The following PPFIA2 variants were observed in gnomAD, a reference collection of about 807,000 sequenced individuals.
PPFIA2 encodes liprin-alpha-2.
PPFIA2 carries 46 observed loss-of-function variants against 175.5 expected under a neutral mutation model. The observed-to-expected ratio is 0.26, with a 90% confidence interval of 0.21 to 0.34. PPFIA2 has a LOEUF of 0.34. PPFIA2 is among the 10% of genes least tolerant of loss of function. PPFIA2 has a pLI of 1.00. For missense variants in PPFIA2, 1,179 were observed against 1,506.1 expected, an observed-to-expected ratio of 0.78 and a Z score of 3.60; for synonymous variants, 568 against 511.4, an observed-to-expected ratio of 1.11 and a Z score of -1.49.
At chr12:81,407,245 G>A (rs988800303) in intron 7 of PPFIA2, among the ~76,000 whole-genome samples, 3 of 152,114 alleles carry the variant, frequency 2.0e-5, no homozygotes, top group African/African-American at 7.2e-5. Context: ...GGCACTTTGG[G>A]AGGCCAAGGT....
intron 3 of PPFIA2, among the ~76,000 whole-genome samples, chr12:81,722,128 C>A (rs1035097432): frequency 1.3e-5 from 2 of 150,866 alleles, no homozygotes; most frequent in Non-Finnish European, 3.0e-5. Flanking sequence ...TTTTATTGTA[C>A]AACTTCATAC....
At chr12:81,633,050 T>A (rs2063576582) in intron 4 of PPFIA2, among the ~76,000 whole-genome samples, 2 of 152,120 alleles carry the variant, frequency 1.3e-5, no homozygotes, top group South Asian at 4.1e-4. Flanking sequence ...CATTGAATAT[T>A]CATGCCCACC....
chr12:81,701,504 G>A (rs775252913), intron 3 of PPFIA2, among the ~76,000 whole-genome samples: 6 of 151,574 alleles, frequency 4.0e-5, no homozygotes, highest in Non-Finnish European at 8.8e-5. Context: ...TTAGAGCCTG[G>A]GCTTTGTGTC....
chr12:81,337,301 C>A lies in PPFIA2; in HGVS notation c.2548+1879G>T, dbSNP rs146206808. Among the ~76,000 whole-genome samples the A allele has an allele frequency of 5.9e-5, 9 of 152,236 alleles. No individual in the cohort carries two copies. In the East Asian group the frequency reaches 1.7e-3, roughly 29 times the overall value. On this transcript the variant is annotated intron_variant, in intron 21 of 32. Transcript: ENST00000549396. ...GATTCTGGCTTTGTTTACACTCTAC[C>A]TCTGCTGTTCTATGAAATAAAGCAA...
At chr12:81,703,714 T>G (rs571831084) in intron 3 of PPFIA2, among the ~76,000 whole-genome samples, 1 of 151,962 alleles carries the variant, frequency 6.6e-6, no homozygotes, top group Non-Finnish European at 1.5e-5. Context: ...ACACCTCACC[T>G]CCACCTCACC....
intron 4 of PPFIA2, among the ~76,000 whole-genome samples, chr12:81,571,551 G>T (rs1221600388): frequency 6.6e-6 from 1 of 152,034 alleles, no homozygotes; most frequent in African/African-American, 2.4e-5. Context: ...TACTCATCTG[G>T]AAGTAGTTTA....
At chr12:81,554,636 T>C (rs1003206261) in intron 4 of PPFIA2, among the ~76,000 whole-genome samples, 3 of 152,048 alleles carry the variant, frequency 2.0e-5, no homozygotes, top group Non-Finnish European at 2.9e-5. Context: ...AAAGAATTGA[T>C]TTTAATTTGC....
At chr12:81,364,958 G>A (rs1003114176) in intron 14 of PPFIA2, among the ~76,000 whole-genome samples, 3 of 151,706 alleles carry the variant, frequency 2.0e-5, no homozygotes, top group Non-Finnish European at 4.4e-5. Flanking sequence ...GGAGTGGGGT[G>A]AGAATAGACT....
chr12:81,395,377 A>G (rs1473774498), intron 8 of PPFIA2, among the ~76,000 whole-genome samples: 1 of 152,056 alleles, frequency 6.6e-6, no homozygotes, highest in Non-Finnish European at 1.5e-5. Context: ...AATAGAGGCA[A>G]TAACTTCCCG....
chr12:81,700,011 C>G (rs956883630), intron 3 of PPFIA2, among the ~76,000 whole-genome samples: 3 of 151,974 alleles, frequency 2.0e-5, no homozygotes, highest in African/African-American at 7.2e-5. Context: ...ACCCATGAAA[C>G]TTGTCTTCAT....
intron 7 of PPFIA2, among the ~76,000 whole-genome samples, chr12:81,412,931 C>T (rs904367246): frequency 2.6e-5 from 4 of 151,804 alleles, no homozygotes; most frequent in Admixed American, 6.6e-5. Flanking sequence ...TAAAAAGTGC[C>T]GTCTTGGCTG....
intron 3 of PPFIA2, among the ~76,000 whole-genome samples, chr12:81,726,450 T>G (rs1434451145): frequency 6.6e-6 from 1 of 151,302 alleles, no homozygotes; most frequent in Non-Finnish European, 1.5e-5. Context: ...TCTTTTCTCC[T>G]ACTCCTCTTC....
chr12:81,482,747 G>A (rs1285330650), intron 4 of PPFIA2, among the ~76,000 whole-genome samples: 1 of 152,150 alleles, frequency 6.6e-6, no homozygotes, highest in Non-Finnish European at 1.5e-5. Flanking sequence ...GCCAGTGGGG[G>A]ATAGGGGAGG....
intron 4 of PPFIA2, among the ~76,000 whole-genome samples, chr12:81,561,788 T>A (rs912724933): frequency 5.9e-5 from 9 of 152,204 alleles, no homozygotes; most frequent in African/African-American, 2.2e-4. Flanking sequence ...TTGCTTGGTT[T>A]TTGTTTTCTG....
At chr12:81,685,347 C>A (rs1046857243) in intron 3 of PPFIA2, among the ~76,000 whole-genome samples, 2 of 151,936 alleles carry the variant, frequency 1.3e-5, no homozygotes, top group Admixed American at 1.3e-4. Context: ...ATAGAATAAG[C>A]AGGAAACATA....
At chr12:81,496,671 CAG>C (rs1177721428) in intron 4 of PPFIA2, among the ~76,000 whole-genome samples, 1 of 152,080 alleles carries the variant, frequency 6.6e-6, no homozygotes, top group Non-Finnish European at 1.5e-5. Flanking sequence ...TATACAAGAT[CAG>C]AGAGTCCAAT....
intron 4 of PPFIA2, among the ~76,000 whole-genome samples, chr12:81,651,873 G>C (rs11114962): frequency 0.098 from 14,816 of 151,890 alleles, 933 homozygotes; most frequent in East Asian, 0.27. Flanking sequence ...GGTATTATTG[G>C]CTTTTGAAGA....
At chr12:81,584,888 A>C (rs1229426590) in intron 4 of PPFIA2, among the ~76,000 whole-genome samples, 2 of 123,694 alleles carry the variant, frequency 1.6e-5, no homozygotes, top group South Asian at 4.4e-4. Context: ...TTATATATTA[A>C]TTATATTTAT....
intron 19 of PPFIA2, among the ~76,000 whole-genome samples, chr12:81,344,057 A>C (rs948707947): frequency 1.3e-5 from 2 of 152,036 alleles, no homozygotes; most frequent in African/African-American, 4.8e-5. Flanking sequence ...GAGTCCCTAC[A>C]TCCTGAGGCC....
Sources: allele counts gnomAD v4.1 joint callset (sites outside exome capture counted in the v4.1 genomes callset), GRCh38; gene constraint gnomAD v4.1.1; transcripts MANE v1.5; gene names NCBI Gene and HGNC (gene_info 2026-07-23, HGNC 2026-07-21).